ENPP3: variants seen among roughly 807,000 people sequenced by gnomAD.
The protein encoded by ENPP3 is ectonucleotide pyrophosphatase/phosphodiesterase family member 3.
Under a neutral mutation model 117.8 loss-of-function variants are expected in ENPP3, and 104 were observed. The ratio of observed to expected loss-of-function variants is 0.88; its 90% confidence interval spans 0.75 to 1.04. The LOEUF is 1.04. Among genes scored for constraint, ENPP3 ranks in the 50% least tolerant of loss-of-function variants. The pLI, the probability that ENPP3 is intolerant of heterozygous loss-of-function variation, is 0.00. For missense variants in ENPP3, 1,026 were observed against 1,051.9 expected, an observed-to-expected ratio of 0.98 and a Z score of 0.34; for synonymous variants, 380 against 349.9, an observed-to-expected ratio of 1.09 and a Z score of -0.96.
chr6:131,677,820 T>C, intron 10 of ENPP3, 48 bp from the exon 11 acceptor site: 1 of 1,233,216 alleles, frequency 8.1e-7, no homozygotes, highest in Non-Finnish European at 1.2e-6. Context: ...CCAGCCTGTA[T>C]GTTTATAGCA....
intron 24 of ENPP3, among the ~76,000 whole-genome samples, chr6:131,744,820 C>A (rs1169292507): frequency 6.6e-6 from 1 of 152,000 alleles, no homozygotes; most frequent in Non-Finnish European, 1.5e-5. Flanking sequence ...CACACACACA[C>A]ACACACACAC....
intron 1 of ENPP3, among the ~76,000 whole-genome samples, chr6:131,640,202 T>C (rs1336315078): frequency 6.6e-6 from 1 of 152,210 alleles, no homozygotes; most frequent in Non-Finnish European, 1.5e-5. Context: ...TATGTTAATT[T>C]GTAAGTCTAT....
chr6:131,700,559 A>T (rs774052428), intron 15 of ENPP3: 3 of 1,426,120 alleles, frequency 2.1e-6, no homozygotes, highest in Non-Finnish European at 2.8e-6. Context: ...TGAGCATGGG[A>T]TTAAAGAGGC....
intron 17 of ENPP3, 34 bp downstream of exon 17, chr6:131,720,413 A>G (rs1207602507): frequency 1.8e-6 from 2 of 1,122,980 alleles, no homozygotes; most frequent in Admixed American, 4.1e-5. Flanking sequence ...CCAACAAAAT[A>G]TGGATAGTTT....
chr6:131,647,296 TAC>T (rs1402620473), intron 2 of ENPP3, among the ~76,000 whole-genome samples: 1 of 152,230 alleles, frequency 6.6e-6, no homozygotes, highest in African/African-American at 2.4e-5. Context: ...AAATAACTTC[TAC>T]TGGCATCCAG....
chr6:131,696,653 G>GGTT (rs969807952), intron 15 of ENPP3, among the ~76,000 whole-genome samples: 9 of 151,940 alleles, frequency 5.9e-5, no homozygotes, highest in Middle Eastern at 3.2e-3. Context: ...CGTTTTTTGT[G>GGTT]GTTGTTGTTG....
At chr6:131,701,341 T>G (rs1299594032) in intron 15 of ENPP3, 1 of 1,613,468 alleles carries the variant, frequency 6.2e-7, no homozygotes, top group Non-Finnish European at 8.5e-7. Context: ...ATCTGAATCC[T>G]TGGGCCAACG....
chr6:131,701,377 T>C, intron 15 of ENPP3: 1 of 1,614,022 alleles, frequency 6.2e-7, no homozygotes, highest in Non-Finnish European at 8.5e-7. Context: ...AGGAACTCTC[T>C]GATGGATGTT....
At position 131,743,686 on chromosome 6, in the gene ENPP3, G is replaced by A. The variant is rs137953626; in HGVS notation, c.2458-3100G>A. On this transcript the variant is annotated intron_variant, in intron 24 of 24. Transcript: ENST00000357639. Reference sequence around the variant, plus strand: ...CTAAAAATACAAAAATTAGCCAGGTGTGATGGTGCATGCCTGTCATCCCAG... The same window carrying A: ...CTAAAAATACAAAAATTAGCCAGGTATGATGGTGCATGCCTGTCATCCCAG... Among the ~76,000 whole-genome samples the A allele has an allele frequency of 6.9e-3, 1,051 of 152,040 alleles. 6 individuals carry two copies. The highest frequency in any genetic ancestry group is 0.024 in the African/African-American group (985 of 41,456).
intron 5 of ENPP3, among the ~76,000 whole-genome samples, chr6:131,657,071 A>G (rs1778401165): frequency 6.6e-6 from 1 of 152,178 alleles, no homozygotes; most frequent in African/African-American, 2.4e-5. Context: ...TATGAAAAAA[A>G]GAAGTATTTT....
chr6:131,659,783 G>A (rs1778460280), intron 6 of ENPP3, among the ~76,000 whole-genome samples: 2 of 152,172 alleles, frequency 1.3e-5, no homozygotes, highest in Admixed American at 6.6e-5. Context: ...GTCCTAGAAA[G>A]TTAACTAACA....
At chr6:131,725,434 A>G (rs967152063) in intron 19 of ENPP3, among the ~76,000 whole-genome samples, 2 of 152,018 alleles carry the variant, frequency 1.3e-5, no homozygotes, top group Non-Finnish European at 2.9e-5. Flanking sequence ...CGTATAGTGG[A>G]AGGAGTGAAG....
At chr6:131,701,777 G>A (rs1308794250) in intron 15 of ENPP3, among the ~76,000 whole-genome samples, 1 of 150,864 alleles carries the variant, frequency 6.6e-6, no homozygotes, top group Admixed American at 6.6e-5. Flanking sequence ...AGCTACTCGG[G>A]AGGCTGAGGC....
chr6:131,746,213 C>T (rs1486947984), intron 24 of ENPP3, among the ~76,000 whole-genome samples: 1 of 151,896 alleles, frequency 6.6e-6, no homozygotes, highest in East Asian at 1.9e-4. Context: ...TTTATAGTAA[C>T]AAAAATTTTA....
intron 1 of ENPP3, among the ~76,000 whole-genome samples, chr6:131,638,806 T>C (rs1299799570): frequency 6.6e-6 from 1 of 151,866 alleles, no homozygotes; most frequent in Admixed American, 6.6e-5. Context: ...CAATTTCTTT[T>C]TTTTTTTAAT....
intron 15 of ENPP3, among the ~76,000 whole-genome samples, chr6:131,696,489 A>T (rs1160531846): frequency 6.6e-6 from 1 of 152,154 alleles, no homozygotes; most frequent in African/African-American, 2.4e-5. Context: ...TTATGATGGG[A>T]TAGGATACGT....
chr6:131,712,858 G>A (rs1779817094), intron 15 of ENPP3, among the ~76,000 whole-genome samples: 1 of 149,756 alleles, frequency 6.7e-6, no homozygotes, highest in South Asian at 2.1e-4. Context: ...TGGCAAATGT[G>A]GTACTAACCT....
Position 131,675,183 on chromosome 6 carries a change from A to C in ENPP3, c.866A>C (p.Tyr289Ser). Residue 289 changes from tyrosine (Y) to serine (S), a missense_variant, in exon 9 of 25, where the codon TAC (tyrosine) becomes TCC (serine). Transcript: ENST00000357639. The stretch of plus-strand genomic sequence containing the variant: ...TCCTTTCCTTCCATATACATGCCTT[A>C]CAACGGGTAGTGAAGCACTTTCAGA... ...NGSFPSIYMP[Y>S]NGSVPFEERI... 1 of 1,569,790 alleles carries C rather than the reference A, an allele frequency of 6.4e-7. No homozygotes were observed. Among genetic ancestry groups the C allele is most frequent in the Non-Finnish European group, 8.8e-7 (1 of 1,139,758 alleles).
At chr6:131,734,463 A>C (rs920165488) in intron 21 of ENPP3, among the ~76,000 whole-genome samples, 4 of 152,316 alleles carry the variant, frequency 2.6e-5, no homozygotes, top group Admixed American at 2.6e-4. Flanking sequence ...GAAATGTATA[A>C]TGGGCAAAAA....
Sources: allele counts gnomAD v4.1 joint callset (sites outside exome capture counted in the v4.1 genomes callset), GRCh38; gene constraint gnomAD v4.1.1; transcripts MANE v1.5; gene names NCBI Gene and HGNC (gene_info 2026-07-23, HGNC 2026-07-21).